The following NAALAD2 variants were observed in gnomAD, a reference collection of about 807,000 sequenced individuals.
NAALAD2 encodes N-acetylated-alpha-linked acidic dipeptidase 2.
In NAALAD2, 89 loss-of-function variants were observed where a neutral mutation model predicts 95.6. The ratio of observed to expected loss-of-function variants is 0.93; its 90% CI spans 0.78 to 1.11. The LOEUF (loss-of-function observed/expected upper bound fraction) is 1.11, where lower values mean the gene tolerates loss of function less well. NAALAD2 is among the 50% of genes least tolerant of loss of function. NAALAD2 has a pLI of 0.00. For missense variants in NAALAD2, 894 were observed against 872.4 expected (o/e 1.02, Z -0.31); for synonymous variants, 264 against 294.4 (o/e 0.90, Z 1.06).
At chr11:90,132,267 G>T (rs184528583), upstream of NAALAD2, 4 of 152,498 alleles carry the variant, frequency 2.6e-5, no homozygotes, top group Admixed American at 6.5e-5. Flanking sequence ...ATTCAAACTG[G>T]CAAACTGTGT....
chr11:90,173,888 C>T lies in NAALAD2; in HGVS notation c.1475C>T (p.Pro492Leu). Residue 492 changes from proline to leucine, a missense_variant, in exon 14 of 19, where the codon CCT becomes CTT. Pro to Leu is a moderately conservative substitution (Grantham distance 98). Transcript: ENST00000534061. ...SLYESWLEKD[P>L]SPENKNLPRI... ...TATGAAAGCTGGTTGGAAAAAGACC[C>T]TTCACCTGAAAATAAAAATTTGCCT... 1.2e-6 allele frequency: 2 copies of T among 1,612,204 alleles called. No individual in the cohort carries two copies. Among genetic ancestry groups the T allele is most frequent in the Non-Finnish European group, 1.7e-6 (2 of 1,179,126 alleles).
intron 6 of NAALAD2, among the ~76,000 whole-genome samples, chr11:90,154,047 C>CTCTG (rs1273960456): frequency 2.0e-5 from 3 of 147,558 alleles, no homozygotes; most frequent in African/African-American, 7.3e-5. Flanking sequence ...CTCTCTCTCT[C>CTCTG]TCTCTCTGTC....
At chr11:90,171,891 C>A (rs7106082) in intron 13 of NAALAD2, among the ~76,000 whole-genome samples, 1 of 151,886 alleles carries the variant, frequency 6.6e-6, no homozygotes, top group Non-Finnish European at 1.5e-5. Context: ...AGGTAAGACT[C>A]ATCTAGCCGA....
Position 90,191,713 on chromosome 11 carries a change from A to C in NAALAD2, c.2189A>C (p.Gln730Pro). The change falls in exon 19 of 19, where the codon CAA becomes CCA. Residue 730 changes from glutamine (Q) to proline (P), a missense_variant. By Grantham distance (76) the Gln-to-Pro change is moderately conservative. Coordinates refer to ENST00000534061, the MANE Select transcript of NAALAD2 (RefSeq NM_005467.4). The part of the protein sequence containing the change: ...KHISIAAFTI[Q>P]AAAGTLKEVL ...ATTTCTATTGCAGCTTTTACAATTCAAGCAGCAGCAGGAACTCTGAAAGAA... is the reference window on the plus strand; with the variant it reads ...ATTTCTATTGCAGCTTTTACAATTCCAGCAGCAGCAGGAACTCTGAAAGAA... 6.3e-7 allele frequency: 1 copy of C among 1,594,022 alleles called. No homozygotes were observed.
chr11:90,180,983 A>G (rs1464611393), intron 16 of NAALAD2, among the ~76,000 whole-genome samples: 2 of 152,068 alleles, frequency 1.3e-5, no homozygotes, highest in Non-Finnish European at 2.9e-5. Flanking sequence ...GGCAAATACT[A>G]TGCCATTTTA....
At chr11:90,162,116 G>A (rs1441535954) in intron 8 of NAALAD2, among the ~76,000 whole-genome samples, 4 of 151,978 alleles carry the variant, frequency 2.6e-5, no homozygotes, top group Non-Finnish European at 5.9e-5. Context: ...TAGAAACAAC[G>A]GAGGTCTCCC....
chr11:90,140,453 T>C (rs1391310508), intron 2 of NAALAD2, among the ~76,000 whole-genome samples: 1 of 150,396 alleles, frequency 6.6e-6, no homozygotes, highest in African/African-American at 2.5e-5. Flanking sequence ...ACCTCTTCTT[T>C]TTTTTTTAAT....
chr11:90,163,033 TG>T lies in NAALAD2; in HGVS notation c.1075+1del. The stretch of plus-strand genomic sequence containing the variant: ...GAACTATCAGAGGATCTGTGGAACC[TG>T]GTGAGTCACATAATTTTTTAAAACA... ...VGTIRGSVEPDRYVILGGHRD... is the reference protein window; with the variant it reads ...VGTIRGSVEPXRYVILGGHRD... On this transcript the variant is annotated frameshift_variant and splice_region_variant, in exon 9 of 19. Coordinates refer to ENST00000534061, the MANE Select transcript of NAALAD2 (RefSeq NM_005467.4). LOFTEE classifies it high-confidence loss of function. 1 of 1,539,632 alleles carries T rather than the reference TG, an allele frequency of 6.5e-7. No homozygotes were observed. Among genetic ancestry groups the T allele is most frequent in the Non-Finnish European group, 8.8e-7 (1 of 1,136,140 alleles).
In NAALAD2 at chr11:90,155,630, TAATATATATATAA is replaced by T. The variant is rs1952078711; in HGVS notation, c.797-2514_797-2502del. On this transcript the variant is annotated intron_variant, in intron 6 of 18. Transcript: ENST00000534061. The stretch of plus-strand genomic sequence containing the variant: ...TATTACATATAAATTACATATATAT[TAATATATATATAA>T]TTATTACATATGTATGTATTATTAT... Among the ~76,000 whole-genome samples the T allele has an allele frequency of 5.1e-5, 2 of 39,026 alleles. 1 individual carries two copies. Among genetic ancestry groups the T allele is most frequent in the African/African-American group, 4.4e-4 (2 of 4,522 alleles). 25.6% of individuals were successfully genotyped at this position (39,026 alleles called of 152,430 possible).
intron 11 of NAALAD2, among the ~76,000 whole-genome samples, chr11:90,166,550 G>A (rs190873684): frequency 6.6e-6 from 1 of 152,158 alleles, no homozygotes; most frequent in African/African-American, 2.4e-5. Flanking sequence ...AGGAAATACA[G>A]ATTGGCTGGG....
At chr11:90,173,063 AT>A (rs1565540187) in intron 13 of NAALAD2, among the ~76,000 whole-genome samples, 1 of 152,202 alleles carries the variant, frequency 6.6e-6, no homozygotes, top group Non-Finnish European at 1.5e-5. Context: ...AAATAGACCA[AT>A]TTGACTCCAC....
intron 8 of NAALAD2, among the ~76,000 whole-genome samples, chr11:90,160,612 A>T (rs1283111671): frequency 6.6e-6 from 1 of 152,140 alleles, no homozygotes; most frequent in African/African-American, 2.4e-5. Flanking sequence ...TTAATTTGGG[A>T]CTTTATTATC....
chr11:90,191,491 T>C, intron 18 of NAALAD2, 67 bp from the exon 19 acceptor site: 2 of 1,217,874 alleles, frequency 1.6e-6, no homozygotes, highest in Admixed American at 5.5e-5. Flanking sequence ...TCATGTGGTC[T>C]AAACAAAAAG....
intron 8 of NAALAD2, among the ~76,000 whole-genome samples, chr11:90,159,669 G>T (rs572131150): frequency 5.5e-4 from 83 of 152,006 alleles, no homozygotes; most frequent in African/African-American, 1.9e-3. Context: ...CTAGGTGAAG[G>T]TGCTGGGTGT....
chr11:90,167,076 C>T (rs1262275195), intron 11 of NAALAD2, among the ~76,000 whole-genome samples: 2 of 152,214 alleles, frequency 1.3e-5, no homozygotes, highest in African/African-American at 2.4e-5. Flanking sequence ...TCGGCCTTGG[C>T]GCCCACTCTG....
rs546889221 is a variant in NAALAD2, at chr11:90,143,301, C to A, written c.195-4029C>A. 3.9e-5 allele frequency among the ~76,000 whole-genome samples: 6 copies of A among 152,152 alleles called. No individual in the cohort carries two copies. In the South Asian group the frequency reaches 1.2e-3, roughly 32 times the overall value. On this transcript the variant is annotated intron_variant, in intron 2 of 18. Coordinates refer to ENST00000534061, the MANE Select transcript of NAALAD2 (RefSeq NM_005467.4). ...GTGACAAATTCTTAGTTTTTCTTCA[C>A]CCATAAAATTCTTTACTTCAACTTT...
At chr11:90,139,859 T>A (rs1330011127) in intron 2 of NAALAD2, among the ~76,000 whole-genome samples, 1 of 52,112 alleles carries the variant, frequency 1.9e-5, no homozygotes, top group Admixed American at 2.4e-4. Context: ...CTTTTCCTTT[T>A]TTTTTTTTTT....
At chr11:90,163,191 T>C (rs967137134) in intron 9 of NAALAD2, 119 bp from the exon 10 acceptor site, 32 of 1,270,190 alleles carry the variant, frequency 2.5e-5, no homozygotes, top group Non-Finnish European at 3.3e-5. Context: ...GATTTTACTT[T>C]ATAGTGTTGT....
intron 2 of NAALAD2, among the ~76,000 whole-genome samples, chr11:90,138,391 C>A (rs1350240872): frequency 2.0e-5 from 3 of 152,086 alleles, no homozygotes; most frequent in Non-Finnish European, 4.4e-5. Context: ...TCTTAGACAT[C>A]ATGTATGTTT....
Sources: allele counts gnomAD v4.1 joint callset (sites outside exome capture counted in the v4.1 genomes callset), GRCh38; gene constraint gnomAD v4.1.1; transcripts MANE v1.5; gene names NCBI Gene and HGNC (gene_info 2026-07-23, HGNC 2026-07-21).